GPC6: variants seen among roughly 807,000 people sequenced by gnomAD.
GPC6 encodes glypican-6.
Under a neutral mutation model 55.2 loss-of-function variants are expected in GPC6, and 14 were observed. That is an observed-to-expected ratio of 0.25 (90% confidence interval 0.17 to 0.40). The LOEUF (loss-of-function observed/expected upper bound fraction) is 0.40. GPC6 is among the 10% of genes least tolerant of loss of function. The pLI, the probability that GPC6 is intolerant of heterozygous loss-of-function variation, is 1.00. For missense variants in GPC6, 641 were observed against 708.5 expected (o/e 0.90, Z 1.08); for synonymous variants, 278 against 259.6 (o/e 1.07, Z -0.68).
chr13:93,547,683 A>G (rs1874888921), intron 2 of GPC6, among the ~76,000 whole-genome samples: 1 of 152,134 alleles, frequency 6.6e-6, no homozygotes, highest in Non-Finnish European at 1.5e-5. Flanking sequence ...TGGGAGAGAA[A>G]TTAAGATTTT....
intron 3 of GPC6, among the ~76,000 whole-genome samples, chr13:93,937,712 G>A (rs1261703230): frequency 6.6e-6 from 1 of 152,040 alleles, no homozygotes; most frequent in Non-Finnish European, 1.5e-5. Flanking sequence ...CTGAGTATCT[G>A]GGGTTACAGG....
chr13:94,080,657 C>T (rs1885066741), intron 4 of GPC6, among the ~76,000 whole-genome samples: 1 of 152,258 alleles, frequency 6.6e-6, no homozygotes, highest in Admixed American at 6.5e-5. Flanking sequence ...TGCCAGCTGA[C>T]TTAATTCCTG....
chr13:93,296,652 T>C (rs1449175553), intron 1 of GPC6, among the ~76,000 whole-genome samples: 1 of 151,990 alleles, frequency 6.6e-6, no homozygotes, highest in Non-Finnish European at 1.5e-5. Flanking sequence ...CTCCATTCCT[T>C]CTCCTCTACC....
At chr13:93,540,114 G>C (rs1158947720) in intron 1 of GPC6, among the ~76,000 whole-genome samples, 1 of 152,090 alleles carries the variant, frequency 6.6e-6, no homozygotes, top group Non-Finnish European at 1.5e-5. Flanking sequence ...TTGGTATTCT[G>C]TGAGAATGTT....
rs188572537 is a variant in GPC6, at chr13:94,265,320, C to T, written c.878-21029C>T. Among the ~76,000 whole-genome samples the T allele has an allele frequency of 4.2e-3, 637 of 152,278 alleles. 5 individuals are homozygous for T. Among genetic ancestry groups the T allele is most frequent in the Non-Finnish European group, 5.8e-3 (392 of 68,020 alleles). On this transcript the variant is annotated intron_variant, in intron 4 of 8. Coordinates refer to ENST00000377047, the MANE Select transcript of GPC6 (RefSeq NM_005708.5). ...AAGCTGAGGAGCAAAGAAGCCAGTT[C>T]GAGTCCCAAAGCTGAAGAACTTGGA...
chr13:93,815,886 A>G (rs1886832741), intron 2 of GPC6, among the ~76,000 whole-genome samples: 1 of 152,172 alleles, frequency 6.6e-6, no homozygotes, highest in Non-Finnish European at 1.5e-5. Flanking sequence ...GATTTCTAAG[A>G]CATGGCTTGG....
chr13:93,884,131 T>C (rs1875172766), intron 3 of GPC6, among the ~76,000 whole-genome samples: 1 of 152,164 alleles, frequency 6.6e-6, no homozygotes, highest in South Asian at 2.1e-4. Flanking sequence ...ATGAGCATCA[T>C]TCCCAGTAGG....
chr13:93,993,253 A>G (rs1881389931), intron 3 of GPC6, among the ~76,000 whole-genome samples: 1 of 151,898 alleles, frequency 6.6e-6, no homozygotes, highest in African/African-American at 2.4e-5. Flanking sequence ...CTATTTTTTA[A>G]AGTAATTAAA....
At chr13:93,565,413 A>G (rs1197122269) in intron 2 of GPC6, among the ~76,000 whole-genome samples, 1 of 152,206 alleles carries the variant, frequency 6.6e-6, no homozygotes, top group Non-Finnish European at 1.5e-5. Flanking sequence ...TCTTGGATAA[A>G]GGAATATATA....
intron 4 of GPC6, among the ~76,000 whole-genome samples, chr13:94,259,790 T>C (rs1891604321): frequency 6.6e-6 from 1 of 152,224 alleles, no homozygotes; most frequent in Non-Finnish European, 1.5e-5. Context: ...TTATTTCACT[T>C]AGCAAAATGT....
At chr13:94,196,640 G>C (rs1181931213) in intron 4 of GPC6, among the ~76,000 whole-genome samples, 1 of 152,070 alleles carries the variant, frequency 6.6e-6, no homozygotes, top group African/African-American at 2.4e-5. Flanking sequence ...AGGAACAAGC[G>C]GAAGAGTTTT....
intron 3 of GPC6, among the ~76,000 whole-genome samples, chr13:94,022,620 G>T (rs1025780984): frequency 1.3e-5 from 2 of 151,924 alleles, no homozygotes; most frequent in Non-Finnish European, 2.9e-5. Flanking sequence ...GGGATTACTG[G>T]ACTTTATACT....
intron 5 of GPC6, among the ~76,000 whole-genome samples, chr13:94,302,186 T>C (rs936001851): frequency 2.0e-5 from 3 of 152,208 alleles, no homozygotes; most frequent in Non-Finnish European, 4.4e-5. Flanking sequence ...ATGAACTGGG[T>C]GGCTTATGAA....
chr13:94,112,867 T>A (rs1429052963), intron 4 of GPC6, among the ~76,000 whole-genome samples: 4 of 152,230 alleles, frequency 2.6e-5, no homozygotes, highest in Non-Finnish European at 1.5e-5. Context: ...TACTGCTACC[T>A]AATACCTAAT....
chr13:93,917,317 G>C (rs1198091852), intron 3 of GPC6, among the ~76,000 whole-genome samples: 3 of 151,966 alleles, frequency 2.0e-5, no homozygotes, highest in Non-Finnish European at 2.9e-5. Context: ...AAAAAAGTTA[G>C]AGACTATCTA....
At chr13:93,996,411 G>A (rs1167119595) in intron 3 of GPC6, among the ~76,000 whole-genome samples, 1 of 152,040 alleles carries the variant, frequency 6.6e-6, no homozygotes, top group Non-Finnish European at 1.5e-5. Context: ...TATCAGACTT[G>A]GTTTCAATAA....
In GPC6 at chr13:93,580,228, T is replaced by TG. The variant is rs1229838504; in HGVS notation, c.319+34811dup. On this transcript the variant is annotated intron_variant, in intron 2 of 8. Transcript: ENST00000377047. ...GGTGGAAAGAGCAAAATAACTCTCT[T>TG]GGGGTCTCTTTTATGAGGGTACTAA... 3.3e-5 allele frequency among the ~76,000 whole-genome samples: 5 copies of TG among 152,290 alleles called. No homozygotes were observed. The East Asian group carries it at 7.7e-4, about 24-fold the overall frequency.
rs915808258 is a variant in GPC6, at chr13:93,487,218, T to A, written c.161-58045T>A. Among the ~76,000 whole-genome samples, 12 of 152,328 alleles carry A rather than the reference T, an allele frequency of 7.9e-5. No homozygotes were observed. The East Asian group carries it at 1.7e-3, about 22-fold the overall frequency. On this transcript the variant is annotated intron_variant, in intron 1 of 8. Coordinates refer to ENST00000377047, the MANE Select transcript of GPC6 (RefSeq NM_005708.5). ...TTATTGCAAGATTCTTTTAAATTTT[T>A]AAATTTTTTTTTAACTTTTATTTTA...
At chr13:94,354,010 TATA>T (rs78677274) in intron 6 of GPC6, among the ~76,000 whole-genome samples, 4,003 of 152,296 alleles carry the variant, frequency 0.026, 220 homozygotes, top group East Asian at 0.24. Context: ...ACTGTGGTCA[TATA>T]ATAACATGCA....
Sources: allele counts gnomAD v4.1 joint callset (sites outside exome capture counted in the v4.1 genomes callset), GRCh38; gene constraint gnomAD v4.1.1; transcripts MANE v1.5; gene names NCBI Gene and HGNC (gene_info 2026-07-23, HGNC 2026-07-21).